TANC1: variants seen among roughly 807,000 people sequenced by gnomAD.
TANC1 encodes the protein tetratricopeptide repeat, ankyrin repeat and coiled-coil containing 1.
In TANC1, 77 loss-of-function variants were observed where a neutral mutation model predicts 149.7. That is an observed-to-expected ratio of 0.51 (90% CI 0.43 to 0.62). The LOEUF (loss-of-function observed/expected upper bound fraction) is 0.62, where lower values mean the gene tolerates loss of function less well. Among genes scored for constraint, TANC1 ranks in the 20% least tolerant of loss-of-function variants. TANC1 has a pLI of 0.00. For synonymous variants in TANC1, 854 were observed against 925.0 expected (o/e 0.92, Z 1.39); for missense variants, 1,985 against 2,321.8 (o/e 0.85, Z 2.98).
chr2:159,013,962 G>A (rs1268984381), intron 2 of TANC1, among the ~76,000 whole-genome samples: 7 of 152,056 alleles, frequency 4.6e-5, no homozygotes, highest in Non-Finnish European at 1.0e-4. Flanking sequence ...ATCTCTTCAT[G>A]CCATCTTCTG....
intron 2 of TANC1, among the ~76,000 whole-genome samples, chr2:159,016,274 C>G (rs1044590989): frequency 6.6e-6 from 1 of 152,192 alleles, no homozygotes; most frequent in Non-Finnish European, 1.5e-5. Context: ...ACAATCAGAT[C>G]TCATGAGACT....
Position 159,065,906 on chromosome 2 carries a change from T to G in TANC1, c.-5T>G, listed in dbSNP as rs1408064687. 1.9e-6 allele frequency: 3 copies of G among 1,613,446 alleles called. No individual in the cohort carries two copies. The highest frequency in any genetic ancestry group is 1.1e-5 in the South Asian group (1 of 91,068). ...TTCTTTTCTCCTTAGAAACAAGTGTTGAAAATGTTAAAGGCTGTGCTGAAG... is the reference window on the plus strand; with the variant it reads ...TTCTTTTCTCCTTAGAAACAAGTGTGGAAAATGTTAAAGGCTGTGCTGAAG... On this transcript the variant is annotated 5_prime_UTR_variant, in exon 3 of 27. Transcript: ENST00000263635.
At chr2:159,109,147 G>A (rs1337826984) in intron 4 of TANC1, among the ~76,000 whole-genome samples, 2 of 152,202 alleles carry the variant, frequency 1.3e-5, no homozygotes, top group Non-Finnish European at 2.9e-5. Context: ...TGGTGAGACT[G>A]CAGTTCAGCT....
intron 19 of TANC1, among the ~76,000 whole-genome samples, chr2:159,215,867 T>C (rs1180400822): frequency 6.6e-6 from 1 of 152,172 alleles, no homozygotes; most frequent in Non-Finnish European, 1.5e-5. Context: ...AGACATGTAG[T>C]GTTCTGCTGA....
intron 2 of TANC1, among the ~76,000 whole-genome samples, chr2:159,064,792 G>A (rs1559191095): frequency 6.6e-6 from 1 of 152,238 alleles, no homozygotes; most frequent in East Asian, 1.9e-4. Context: ...GGGGCTGAGA[G>A]GTGGTGTGTG....
chr2:159,098,446 A>G (rs1416041556), intron 4 of TANC1, among the ~76,000 whole-genome samples: 4 of 152,250 alleles, frequency 2.6e-5, no homozygotes, highest in Non-Finnish European at 5.9e-5. Flanking sequence ...CTCAGAATGT[A>G]TCCTCATCAT....
At chr2:158,986,821 A>G (rs1461642619) in intron 1 of TANC1, among the ~76,000 whole-genome samples, 2 of 152,164 alleles carry the variant, frequency 1.3e-5, no homozygotes, top group Non-Finnish European at 2.9e-5. Flanking sequence ...GATGCTTTTT[A>G]GTTTTTTGGA....
intron 1 of TANC1, among the ~76,000 whole-genome samples, chr2:158,980,776 A>G (rs76512932): frequency 5.7e-5 from 7 of 123,194 alleles, no homozygotes; most frequent in Non-Finnish European, 1.1e-4. Context: ...CTCCATCTCA[A>G]AAAAAAAAAA....
At chr2:159,194,601 T>G in intron 17 of TANC1, 108 bp downstream of exon 17, 1 of 1,004,788 alleles carries the variant, frequency 1.0e-6, no homozygotes, top group Admixed American at 1.8e-5. Context: ...AACCACAGCA[T>G]ACACAGAAAG....
chr2:159,019,262 GA>G (rs2038576196), intron 2 of TANC1, among the ~76,000 whole-genome samples: 1 of 152,184 alleles, frequency 6.6e-6, no homozygotes, highest in Admixed American at 6.5e-5. Flanking sequence ...GCCACGCAGT[GA>G]GCTGAAGGAA....
intron 2 of TANC1, among the ~76,000 whole-genome samples, chr2:159,057,712 G>T (rs1270782941): frequency 6.6e-6 from 1 of 152,130 alleles, no homozygotes; most frequent in African/African-American, 2.4e-5. Context: ...ACTTTGCTGG[G>T]GTGGGGAGCA....
At chr2:159,184,149 A>G (rs1039606571) in intron 14 of TANC1, among the ~76,000 whole-genome samples, 1 of 152,198 alleles carries the variant, frequency 6.6e-6, no homozygotes, top group African/African-American at 2.4e-5. Context: ...ATATAAGCAT[A>G]TGGGGGTCAT....
At chr2:159,029,907 T>G (rs2039647801) in intron 2 of TANC1, among the ~76,000 whole-genome samples, 1 of 152,182 alleles carries the variant, frequency 6.6e-6, no homozygotes, top group Admixed American at 6.5e-5. Context: ...CAGGCTGGTC[T>G]TGAACTCCTG....
In TANC1 at chr2:159,229,826, AG is replaced by A; in HGVS notation, c.4402del (p.Glu1468LysfsTer47). ...EETEEEETSP[Q>X]EESVSPTPRS... ...ACTGAAGAGGAAGAAACTTCTCCCC[AG>A]GAAGAATCTGTTTCCCCAACTCCCA... On this transcript the variant is annotated frameshift_variant, in exon 27 of 27. Coordinates refer to ENST00000263635, the MANE Select transcript of TANC1 (RefSeq NM_033394.3). LOFTEE classifies it low-confidence loss of function (END_TRUNC). 6.2e-7 allele frequency: 1 copy of A among 1,614,056 alleles called. No homozygotes were observed. The highest frequency in any genetic ancestry group is 8.5e-7 in the Non-Finnish European group (1 of 1,180,020).
chr2:159,104,048 T>A (rs2046954215), intron 4 of TANC1, among the ~76,000 whole-genome samples: 1 of 95,708 alleles, frequency 1.0e-5, no homozygotes, highest in African/African-American at 2.9e-5. Flanking sequence ...CTGGTTCTAG[T>A]CCTTGCTTCC....
At chr2:159,044,757 C>A (rs1290530570) in intron 2 of TANC1, among the ~76,000 whole-genome samples, 1 of 152,176 alleles carries the variant, frequency 6.6e-6, no homozygotes, top group Non-Finnish European at 1.5e-5. Context: ...GTTGGAAATA[C>A]TGCCCCAAGG....
chr2:159,037,407 G>A (rs2040279084), intron 2 of TANC1, among the ~76,000 whole-genome samples: 1 of 151,292 alleles, frequency 6.6e-6, no homozygotes, highest in African/African-American at 2.4e-5. Flanking sequence ...TGCCAAAATT[G>A]TTTTAGTCAT....
chr2:159,021,140 C>G (rs1389770620), intron 2 of TANC1, among the ~76,000 whole-genome samples: 9 of 152,132 alleles, frequency 5.9e-5, no homozygotes, highest in African/African-American at 1.7e-4. Flanking sequence ...TTCATTAGAA[C>G]AGAACCCTAA....
rs560240841 is a variant in TANC1, at chr2:159,135,165, C to A, written c.260-1029C>A. Among the ~76,000 whole-genome samples the A allele has an allele frequency of 2.6e-5, 4 of 152,276 alleles. No individual in the cohort carries two copies. In the East Asian group the frequency reaches 7.7e-4, roughly 29 times the overall value. On this transcript the variant is annotated intron_variant, in intron 4 of 26. Transcript: ENST00000263635. Reference sequence around the variant, plus strand: ...CATTTATACTTTCTGAAAGATTTGGCTATTCTGGGCATGACATATGAATGG... The same window carrying A: ...CATTTATACTTTCTGAAAGATTTGGATATTCTGGGCATGACATATGAATGG...
Sources: gnomAD v4.1 joint callset for allele counts (sites outside exome capture counted in the v4.1 genomes callset) on GRCh38, gnomAD v4.1.1 for gene constraint, MANE v1.5 for transcripts, NCBI Gene and HGNC (gene_info 2026-07-23, HGNC 2026-07-21) for gene names.